NLGN4X: variants seen among roughly 807,000 people sequenced by gnomAD.
NLGN4X encodes the protein neuroligin 4 X-linked, also known as neuroligin-4, X-linked.
Under a neutral mutation model 40.3 loss-of-function variants are expected in NLGN4X, and 3 were observed. The observed-to-expected ratio is 0.07, with a 90% CI of 0.03 to 0.19. The LOEUF is 0.19. Ranked by LOEUF, NLGN4X falls within the 10% of genes least tolerant of loss-of-function variation. The pLI is 1.00. For missense variants in NLGN4X, 382 were observed against 708.3 expected (o/e 0.54, Z 5.23); for synonymous variants, 270 against 306.8 (o/e 0.88, Z 1.25).
chrX:6,078,140 C>A (rs1422199376), intron 2 of NLGN4X, among the ~76,000 whole-genome samples: 1 of 111,817 alleles, frequency 8.9e-6, no homozygotes, highest in East Asian at 2.8e-4. Flanking sequence ...ATCCTCATAA[C>A]CCACATTAGA....
At chrX:6,066,702 G>A (rs1308342620) in intron 2 of NLGN4X, among the ~76,000 whole-genome samples, 3 of 110,890 alleles carry the variant, frequency 2.7e-5, no homozygotes, top group Admixed American at 9.5e-5. Flanking sequence ...GGAGAATCGC[G>A]TGAACGCAGC....
At chrX:6,187,440 A>G (rs1199478479) in intron 1 of NLGN4X, 1 of 111,146 alleles carries the variant, frequency 9.0e-6, no homozygotes, top group Non-Finnish European at 1.9e-5. Flanking sequence ...GGCACACGCC[A>G]GAAGGCACGC....
chrX:5,960,999 CTTAT>C (rs2034644957), intron 3 of NLGN4X, among the ~76,000 whole-genome samples: 1 of 110,858 alleles, frequency 9.0e-6, no homozygotes, highest in South Asian at 3.7e-4. Flanking sequence ...TATTCATTTA[CTTAT>C]TTATTTACTT....
At chrX:5,894,428 G>A (rs1191075861) in intron 5 of NLGN4X, among the ~76,000 whole-genome samples, 2 of 112,134 alleles carry the variant, frequency 1.8e-5, no homozygotes, top group African/African-American at 6.5e-5. Flanking sequence ...TCTATTTGAA[G>A]GTAAAAAGAT....
intron 2 of NLGN4X, among the ~76,000 whole-genome samples, chrX:6,074,223 C>T (rs915346147): frequency 4.5e-5 from 5 of 111,244 alleles, no homozygotes; most frequent in Non-Finnish European, 7.5e-5. Flanking sequence ...TCCATATCCA[C>T]GGGAATTGGG....
chrX:6,181,053 T>C (rs1449276826), intron 1 of NLGN4X, among the ~76,000 whole-genome samples: 1 of 111,563 alleles, frequency 9.0e-6, no homozygotes, highest in Non-Finnish European at 1.9e-5. Flanking sequence ...CTCTTAAGTC[T>C]CTGTGCTTAG....
intron 3 of NLGN4X, among the ~76,000 whole-genome samples, chrX:5,957,677 C>T (rs1228330634): frequency 7.2e-5 from 8 of 111,386 alleles, no homozygotes. Flanking sequence ...ACCAAGACAG[C>T]TGGTATGTAT....
At chrX:5,924,397 T>C (rs2033193154) in intron 3 of NLGN4X, among the ~76,000 whole-genome samples, 1 of 112,091 alleles carries the variant, frequency 8.9e-6, no homozygotes, top group Non-Finnish European at 1.9e-5. Context: ...TGACCACATT[T>C]AAATAGAAAC....
intron 2 of NLGN4X, among the ~76,000 whole-genome samples, chrX:6,036,376 G>A (rs984869682): frequency 9.0e-6 from 1 of 111,427 alleles, no homozygotes; most frequent in African/African-American, 3.3e-5. Context: ...ATTAGATGCT[G>A]TCTTTCCTGT....
intron 2 of NLGN4X, among the ~76,000 whole-genome samples, chrX:6,083,061 C>G (rs1322312603): frequency 2.0e-5 from 2 of 101,695 alleles, no homozygotes; most frequent in Non-Finnish European, 4.0e-5. Context: ...GGGGTTCACG[C>G]CATTCTCCTG....
rs778730936 is a variant in NLGN4X at position 6,004,736 on chromosome X, C to T, written c.625+24544G>A. ...CTGCTGGATCAAATAAGGTTCTTGGCTTATGTACTCCCAACCCTGTTTCCC... is the reference window on the plus strand; with the variant it reads ...CTGCTGGATCAAATAAGGTTCTTGGTTTATGTACTCCCAACCCTGTTTCCC... On this transcript the variant is annotated intron_variant, in intron 3 of 5. Coordinates refer to ENST00000381095, the MANE Select transcript of NLGN4X (RefSeq NM_181332.3). Among the ~76,000 whole-genome samples, 34 of 111,937 alleles carry T rather than the reference C, an allele frequency of 3.0e-4. 1 individual carries two copies. The highest frequency in any genetic ancestry group is 3.9e-4 in the Non-Finnish European group (21 of 53,192).
At chrX:5,967,759 C>T (rs1027383472) in intron 3 of NLGN4X, among the ~76,000 whole-genome samples, 2 of 110,966 alleles carry the variant, frequency 1.8e-5, no homozygotes, top group African/African-American at 6.6e-5. Context: ...AGAATATGCA[C>T]AAAGAAAAGC....
chrX:6,166,898 C>T (rs2040507418), intron 1 of NLGN4X, among the ~76,000 whole-genome samples: 1 of 108,949 alleles, frequency 9.2e-6, no homozygotes, highest in Non-Finnish European at 1.9e-5. Flanking sequence ...ATGGCAAAAC[C>T]TTGTTTCTAA....
At chrX:6,131,098 G>T (rs1445127836) in intron 2 of NLGN4X, among the ~76,000 whole-genome samples, 1 of 109,898 alleles carries the variant, frequency 9.1e-6, no homozygotes, top group Admixed American at 9.8e-5. Flanking sequence ...TTACAGTCTT[G>T]CCATGCCAAT....
chrX:6,223,357 T>G (rs1925876688), intron 1 of NLGN4X, among the ~76,000 whole-genome samples: 1 of 111,284 alleles, frequency 9.0e-6, no homozygotes, highest in Admixed American at 9.6e-5. Context: ...GTAGATGGGC[T>G]GTTTTCCACC....
intron 2 of NLGN4X, among the ~76,000 whole-genome samples, chrX:6,134,149 T>C (rs2039757453): frequency 9.0e-6 from 1 of 111,584 alleles, no homozygotes; most frequent in Admixed American, 9.6e-5. Flanking sequence ...TCTGTCAATA[T>C]TCTCTCTAGC....
intron 3 of NLGN4X, among the ~76,000 whole-genome samples, chrX:5,990,346 G>A: frequency 9.0e-6 from 1 of 111,054 alleles, no homozygotes; most frequent in Non-Finnish European, 1.9e-5. Context: ...ACAGAATCAC[G>A]TGCTGCAGAA....
chrX:6,098,322 T>C (rs1195753300), intron 2 of NLGN4X, among the ~76,000 whole-genome samples: 6 of 110,887 alleles, frequency 5.4e-5, no homozygotes, highest in Non-Finnish European at 1.1e-4. Flanking sequence ...ATAAAAATAA[T>C]AATAAAAAAA....
At chrX:6,146,237 T>C (rs12560180) in intron 2 of NLGN4X, among the ~76,000 whole-genome samples, 32,141 of 111,526 alleles carry the variant, frequency 0.29, 3,464 homozygotes, top group African/African-American at 0.31. Context: ...ACAGCAACGA[T>C]TGACACCAAA....
Sources: gnomAD v4.1 joint callset for allele counts (sites outside exome capture counted in the v4.1 genomes callset) on GRCh38, gnomAD v4.1.1 for gene constraint, MANE v1.5 for transcripts, NCBI Gene and HGNC (gene_info 2026-07-23, HGNC 2026-07-21) for gene names.